The following MSRA variants were observed in gnomAD, a reference collection of about 807,000 sequenced individuals.
MSRA encodes methionine sulfoxide reductase A.
MSRA carries 54 observed loss-of-function variants against 31.3 expected under a neutral mutation model. That is an observed-to-expected ratio of 1.73 (90% CI 1.39 to 2.17). MSRA has a LOEUF of 2.17. Ranked by LOEUF, MSRA falls within the 30% of genes most tolerant of loss-of-function variation. The pLI is 0.00. For missense variants in MSRA, 507 were observed against 300.9 expected (o/e 1.69, Z -5.07); for synonymous variants, 169 against 116.5 (o/e 1.45, Z -2.90).
intron 1 of MSRA, among the ~76,000 whole-genome samples, chr8:10,157,222 A>G (rs1240324352): frequency 6.6e-6 from 1 of 151,968 alleles, no homozygotes; most frequent in African/African-American, 2.4e-5. Flanking sequence ...CATGGTAGTA[A>G]AGATCTCGTT....
chr8:10,069,951 A>G (rs1291459322), intron 1 of MSRA, among the ~76,000 whole-genome samples: 1 of 152,218 alleles, frequency 6.6e-6, no homozygotes, highest in Non-Finnish European at 1.5e-5. Context: ...TAACGTTGAA[A>G]TATTGATATG....
At chr8:10,111,373 T>C (rs1289525268) in intron 1 of MSRA, among the ~76,000 whole-genome samples, 1 of 152,124 alleles carries the variant, frequency 6.6e-6, no homozygotes, top group East Asian at 1.9e-4. Context: ...GCGTCTTCTC[T>C]CTCTTGGGGC....
chr8:10,370,111 C>T (rs950740944), intron 5 of MSRA, among the ~76,000 whole-genome samples: 3 of 152,166 alleles, frequency 2.0e-5, no homozygotes, highest in African/African-American at 4.8e-5. Flanking sequence ...ACATTTGTCT[C>T]GTGTTTTGCA....
chr8:10,183,666 A>T (rs556223425), intron 1 of MSRA, among the ~76,000 whole-genome samples: 3 of 152,202 alleles, frequency 2.0e-5, no homozygotes, highest in Non-Finnish European at 2.9e-5. Context: ...TCTTTTTTCA[A>T]TCTTTTTTCC....
At chr8:10,170,065 T>A (rs1399387815) in intron 1 of MSRA, among the ~76,000 whole-genome samples, 3 of 148,234 alleles carry the variant, frequency 2.0e-5, no homozygotes, top group Non-Finnish European at 4.5e-5. Context: ...TTTTTTTTTT[T>A]AAGTAGAGAC....
At chr8:10,316,995 C>G (rs1475359356) in intron 4 of MSRA, among the ~76,000 whole-genome samples, 1 of 152,166 alleles carries the variant, frequency 6.6e-6, no homozygotes, top group Non-Finnish European at 1.5e-5. Flanking sequence ...ATGCAGGTAG[C>G]CTTTGGTGCA....
At chr8:10,159,971 G>T (rs1448679257) in intron 1 of MSRA, among the ~76,000 whole-genome samples, 1 of 152,212 alleles carries the variant, frequency 6.6e-6, no homozygotes, top group Non-Finnish European at 1.5e-5. Flanking sequence ...TCCCCAGGAA[G>T]ATACTTTTAT....
At chr8:10,164,710 T>C (rs1006457617) in intron 1 of MSRA, among the ~76,000 whole-genome samples, 1 of 152,130 alleles carries the variant, frequency 6.6e-6, no homozygotes, top group Non-Finnish European at 1.5e-5. Flanking sequence ...CCTTTCCCTG[T>C]AGAATAGTCA....
chr8:10,342,172 G>A (rs1158292383), intron 5 of MSRA, among the ~76,000 whole-genome samples: 4 of 152,096 alleles, frequency 2.6e-5, no homozygotes, highest in Admixed American at 6.5e-5. Context: ...AGATTTTTCC[G>A]CTCATTTGTT....
chr8:10,296,858 C>G (rs1299143546), intron 3 of MSRA, among the ~76,000 whole-genome samples: 1 of 152,202 alleles, frequency 6.6e-6, no homozygotes, highest in Non-Finnish European at 1.5e-5. Context: ...CCAACCCTGA[C>G]AATCTGACTC....
At chr8:10,414,171 GA>G (rs1033782578) in intron 5 of MSRA, among the ~76,000 whole-genome samples, 11 of 145,674 alleles carry the variant, frequency 7.6e-5, no homozygotes, top group Non-Finnish European at 1.4e-4. Context: ...TGTCTATGAA[GA>G]AAAAAAAAAC....
intron 5 of MSRA, 181 bp downstream of exon 5, chr8:10,320,170 T>C: frequency 1.1e-5 from 5 of 458,956 alleles, no homozygotes; most frequent in Non-Finnish European, 1.6e-5. Context: ...CTAAATGAGG[T>C]TTTAAGAGTA....
chr8:10,055,389 T>C (rs1268822997), intron 1 of MSRA, among the ~76,000 whole-genome samples: 1 of 152,218 alleles, frequency 6.6e-6, no homozygotes, highest in Non-Finnish European at 1.5e-5. Flanking sequence ...CTATAAAAGT[T>C]TTCAAAATCT....
At chr8:10,057,930 C>G (rs1035034322) in intron 1 of MSRA, among the ~76,000 whole-genome samples, 1 of 152,176 alleles carries the variant, frequency 6.6e-6, no homozygotes, top group Non-Finnish European at 1.5e-5. Flanking sequence ...GGCCGTCTTT[C>G]ATGTGGAACT....
At chr8:10,322,154 C>T (rs1385788012) in intron 5 of MSRA, among the ~76,000 whole-genome samples, 2 of 152,100 alleles carry the variant, frequency 1.3e-5, no homozygotes, top group Non-Finnish European at 2.9e-5. Flanking sequence ...TATCAAGTAC[C>T]TGACACTTAG....
chr8:10,225,697 C>G (rs774637177), intron 2 of MSRA, among the ~76,000 whole-genome samples: 3 of 152,204 alleles, frequency 2.0e-5, no homozygotes, highest in Admixed American at 1.3e-4. Flanking sequence ...GGTGCCAGCT[C>G]TCGTTTTGAT....
rs536741582 is a variant in MSRA at position 10,199,400 on chromosome 8, A to G, written c.143-8433A>G. Among the ~76,000 whole-genome samples, 8 of 152,188 alleles carry G rather than the reference A, an allele frequency of 5.3e-5. No individual in the cohort carries two copies. The South Asian group carries it at 1.7e-3, about 32-fold the overall frequency. Reference sequence around the variant, plus strand: ...AGTGGTGCGATCTTGGCCCACTGCAACCTGCACCTCCCGGGTTCAAGTGAT... The same window carrying G: ...AGTGGTGCGATCTTGGCCCACTGCAGCCTGCACCTCCCGGGTTCAAGTGAT... On this transcript the variant is annotated intron_variant, in intron 1 of 5. Coordinates refer to ENST00000317173, the MANE Select transcript of MSRA (RefSeq NM_012331.5).
chr8:10,400,841 G>C (rs1807415774), intron 5 of MSRA, among the ~76,000 whole-genome samples: 1 of 152,170 alleles, frequency 6.6e-6, no homozygotes, highest in Non-Finnish European at 1.5e-5. Flanking sequence ...AATGAAGCTG[G>C]ATCCTTACCT....
chr8:10,320,093 T>C, intron 5 of MSRA, 104 bp downstream of exon 5: 1 of 666,104 alleles, frequency 1.5e-6, no homozygotes, highest in South Asian at 2.3e-5. Context: ...AATTGTGTTT[T>C]ATTTGCACAT....
Sources: allele counts gnomAD v4.1 joint callset (sites outside exome capture counted in the v4.1 genomes callset), GRCh38; gene constraint gnomAD v4.1.1; transcripts MANE v1.5; gene names NCBI Gene and HGNC (gene_info 2026-07-23, HGNC 2026-07-21).